The following DOCK10 variants were observed in gnomAD, a reference collection of about 807,000 sequenced individuals.
DOCK10 encodes the protein dedicator of cytokinesis 10.
DOCK10 carries 145 observed loss-of-function variants against 280.1 expected under a neutral mutation model. The ratio of observed to expected loss-of-function variants is 0.52; its 90% confidence interval spans 0.45 to 0.59. The LOEUF is 0.59. Among genes scored for constraint, DOCK10 ranks in the 20% least tolerant of loss-of-function variants. DOCK10 has a pLI of 0.00. For synonymous variants in DOCK10, 915 were observed against 942.2 expected, an observed-to-expected ratio of 0.97 and a Z score of 0.53; for missense variants, 2,368 against 2,651.7, an observed-to-expected ratio of 0.89 and a Z score of 2.35.
chr2:224,863,705 C>A (rs1328664781), intron 13 of DOCK10, among the ~76,000 whole-genome samples: 1 of 152,214 alleles, frequency 6.6e-6, no homozygotes, highest in African/African-American at 2.4e-5. Context: ...CCTGCCTCAA[C>A]CTCCCAAAGT....
chr2:224,948,342 T>A (rs1429207581), intron 1 of DOCK10, among the ~76,000 whole-genome samples: 2 of 152,224 alleles, frequency 1.3e-5, no homozygotes, highest in African/African-American at 2.4e-5. Context: ...ATAAATTATA[T>A]CATTACTTTG....
At chr2:224,979,128 C>T (rs1705613584) in intron 1 of DOCK10, among the ~76,000 whole-genome samples, 1 of 152,172 alleles carries the variant, frequency 6.6e-6, no homozygotes, top group Non-Finnish European at 1.5e-5. Context: ...CCCTCTATGG[C>T]CAGAGATCCT....
chr2:224,796,870 G>C (rs1379558652), intron 43 of DOCK10, 94 bp downstream of exon 43: 9 of 1,165,102 alleles, frequency 7.7e-6, no homozygotes, highest in East Asian at 2.4e-5. Context: ...GGAGGAGTTA[G>C]TGACGGCTTG....
chr2:224,776,261 G>C (rs1461677944), intron 51 of DOCK10, among the ~76,000 whole-genome samples: 1 of 152,110 alleles, frequency 6.6e-6, no homozygotes, highest in African/African-American at 2.4e-5. Context: ...AATTTATTTT[G>C]TAATGCTACT....
At chr2:225,006,568 C>T (rs1184257675) in intron 1 of DOCK10, among the ~76,000 whole-genome samples, 4 of 152,194 alleles carry the variant, frequency 2.6e-5, no homozygotes, top group Middle Eastern at 3.2e-3. Context: ...TTGCTGAGGT[C>T]CTGTGATGAA....
chr2:224,898,894 G>C (rs1314253285), intron 3 of DOCK10, among the ~76,000 whole-genome samples: 3 of 152,176 alleles, frequency 2.0e-5, no homozygotes, highest in African/African-American at 4.8e-5. Flanking sequence ...GCCTTAATAT[G>C]CTCCTTTGCT....
At position 224,770,704 on chromosome 2, in the gene DOCK10, G is replaced by T; in HGVS notation, c.6205-59C>A. On this transcript the variant is annotated intron_variant, in intron 53 of 55. Coordinates refer to ENST00000258390, the MANE Select transcript of DOCK10 (RefSeq NM_014689.3). The surrounding 1 kb of genome is among the most constrained non-coding windows in gnomAD (Gnocchi z 4.5). Reference sequence around the variant, plus strand: ...CCTTCTGCATGGAGTCTTTTCCACCGCTGGAAGAGGAGCAACTGTGCACCA... The same window carrying T: ...CCTTCTGCATGGAGTCTTTTCCACCTCTGGAAGAGGAGCAACTGTGCACCA... 1.6e-6 allele frequency: 2 copies of T among 1,250,442 alleles called. No homozygotes were observed. The highest frequency in any genetic ancestry group is 1.9e-4 in the Middle Eastern group (1 of 5,376). 77.5% of individuals were successfully genotyped at this position (1,250,442 alleles called of 1,614,324 possible).
At chr2:225,014,091 TTTTTTTG>T (rs372872172) in intron 1 of DOCK10, among the ~76,000 whole-genome samples, 8,783 of 108,426 alleles carry the variant, frequency 0.081, 345 homozygotes, top group African/African-American at 0.15. Context: ...ATTGTTTTTT[TTTTTTTG>T]TTTTTTTTTT....
chr2:224,815,234 C>T (rs1694057451), intron 30 of DOCK10, among the ~76,000 whole-genome samples: 1 of 152,164 alleles, frequency 6.6e-6, no homozygotes, highest in Non-Finnish European at 1.5e-5. Flanking sequence ...GTCCTTACTT[C>T]CCCTTCACCT....
At chr2:224,838,960 T>C (rs976803617) in intron 24 of DOCK10, among the ~76,000 whole-genome samples, 4 of 152,186 alleles carry the variant, frequency 2.6e-5, no homozygotes, top group African/African-American at 7.2e-5. Flanking sequence ...CTCTGGAGAA[T>C]AGGCACTTTC....
chr2:224,922,119 CAAAA>C (rs35964702), intron 2 of DOCK10, among the ~76,000 whole-genome samples: 1 of 51,588 alleles, frequency 1.9e-5, no homozygotes, highest in East Asian at 6.7e-4. Context: ...AACTCCATCT[CAAAA>C]AAAAAAAAAA....
intron 1 of DOCK10, among the ~76,000 whole-genome samples, chr2:224,941,017 A>C (rs1377796478): frequency 6.6e-6 from 1 of 152,214 alleles, no homozygotes; most frequent in Non-Finnish European, 1.5e-5. Context: ...CACACCAAAT[A>C]ATTGATAATA....
At chr2:224,899,810 C>G (rs1250726814) in intron 3 of DOCK10, among the ~76,000 whole-genome samples, 1 of 152,080 alleles carries the variant, frequency 6.6e-6, no homozygotes, top group Non-Finnish European at 1.5e-5. Flanking sequence ...TTTAAGGATT[C>G]TTTGATAAAA....
chr2:224,979,732 A>T (rs1467272285), intron 1 of DOCK10, among the ~76,000 whole-genome samples: 1 of 152,232 alleles, frequency 6.6e-6, no homozygotes, highest in Non-Finnish European at 1.5e-5. Context: ...GTCCCTGATC[A>T]CATCCCTATT....
chr2:224,959,198 C>T (rs1251260395), intron 1 of DOCK10, among the ~76,000 whole-genome samples: 3 of 152,182 alleles, frequency 2.0e-5, no homozygotes, highest in Non-Finnish European at 2.9e-5. Context: ...GTGCATCTCA[C>T]TGCATTCACA....
intron 47 of DOCK10, among the ~76,000 whole-genome samples, chr2:224,790,175 A>G (rs1231198823): frequency 2.0e-5 from 3 of 152,258 alleles, no homozygotes; most frequent in Non-Finnish European, 4.4e-5. Flanking sequence ...GTCTGTCTCT[A>G]CAGATACATG....
chr2:224,922,522 A>G (rs1701819606), intron 2 of DOCK10, among the ~76,000 whole-genome samples: 1 of 152,204 alleles, frequency 6.6e-6, no homozygotes, highest in South Asian at 2.1e-4. Context: ...GCATTTGGAA[A>G]TAAAAACTGT....
intron 4 of DOCK10, chr2:224,893,262 C>T (rs949656539): frequency 1.9e-5 from 3 of 154,492 alleles, no homozygotes; most frequent in Admixed American, 6.5e-5. Flanking sequence ...TGAGATAATG[C>T]ATGTATGACA....
At position 224,794,923 on chromosome 2, in the gene DOCK10, C is replaced by T; in HGVS notation, c.5110G>A (p.Glu1704Lys). The stretch of plus-strand genomic sequence containing the variant: ...CTGGCATGAATCTTGGCCATACTTT[C>T]CAGCCAGGTCCTGCGTAGTTCAGGA... Reference protein sequence around the residue: ...STPELRRTWLESMAKIHARNG... With the variant: ...STPELRRTWLKSMAKIHARNG... Residue 1704 changes from glutamate (E) to lysine (K), a missense_variant, in exon 45 of 56, where the codon GAA (glutamate) becomes AAA (lysine). By Grantham distance (56) the Glu-to-Lys change is moderately conservative. Transcript: ENST00000258390. 1 of 1,613,930 alleles carries T rather than the reference C, an allele frequency of 6.2e-7. No homozygotes were observed. Among genetic ancestry groups the T allele is most frequent in the Non-Finnish European group, 8.5e-7 (1 of 1,179,846 alleles).
Sources: gnomAD v4.1 joint callset for allele counts (sites outside exome capture counted in the v4.1 genomes callset) on GRCh38, gnomAD v4.1.1 for gene constraint, Gnocchi (gnomAD v3.1) non-coding constraint, MANE v1.5 for transcripts, NCBI Gene and HGNC (gene_info 2026-07-23, HGNC 2026-07-21) for gene names.